R3HCC1: variants seen among roughly 807,000 people sequenced by gnomAD.
The protein encoded by R3HCC1 is R3H and coiled-coil domain-containing protein 1.
R3HCC1 carries 32 observed loss-of-function variants against 40.0 expected under a neutral mutation model. That is an observed-to-expected ratio of 0.80 (90% CI 0.60 to 1.07). The LOEUF (loss-of-function observed/expected upper bound fraction) is 1.07. Among genes scored for constraint, R3HCC1 ranks in the 50% least tolerant of loss-of-function variants. The probability of loss-of-function intolerance (pLI) is 0.00; values close to 1 mark genes in which losing one functional copy is unlikely to be tolerated. For missense variants in R3HCC1, 586 were observed against 563.3 expected (o/e 1.04, Z -0.41); for synonymous variants, 237 against 232.8 (o/e 1.02, Z -0.17).
At position 23,295,984 on chromosome 8, in the gene R3HCC1, A is replaced by G; in HGVS notation, c.1210A>G (p.Lys404Glu). 1 of 1,550,546 alleles carries G rather than the reference A, an allele frequency of 6.4e-7. No homozygotes were observed. Among genetic ancestry groups the G allele is most frequent in the Non-Finnish European group, 8.7e-7 (1 of 1,146,704 alleles). The change falls in exon 8 of 8, where the codon AAG becomes GAG. Residue 404 changes from lysine to glutamate, a missense_variant. Transcript: ENST00000265806. ...CCTTCTAGAACTCCTGCGTCTGGTG[A>G]AGGAGAGGCCACAGACAAATGCGAC...
chr8:23,294,920 A>T (rs11779438), intron 7 of R3HCC1, 56 bp downstream of exon 7: 1 of 1,258,984 alleles, frequency 7.9e-7, no homozygotes, highest in African/African-American at 1.5e-5. Flanking sequence ...TGTGCGTGCG[A>T]GCATGTGTGT....
At position 23,288,565 on chromosome 8, in the gene R3HCC1, C is replaced by T. The variant is rs1254550118; in HGVS notation, c.42C>T (p.Ala14=). Reference sequence around the variant, plus strand: ...TGGATGGTGTCTTCCTCTCCTCAGCCGAGAATGACTTCGTCCACCGGATCC... The same window carrying T: ...TGGATGGTGTCTTCCTCTCCTCAGCTGAGAATGACTTCGTCCACCGGATCC... The change falls in exon 2 of 8, where the codon GCC becomes GCT. Residue 14 remains alanine (A), a synonymous_variant. Coordinates refer to ENST00000265806, the MANE Select transcript of R3HCC1 (RefSeq NM_001136108.3). 11 of 1,536,010 alleles carry T rather than the reference C, an allele frequency of 7.2e-6. No individual in the cohort carries two copies. Among genetic ancestry groups the T allele is most frequent in the African/African-American group, 1.4e-5 (1 of 73,116 alleles).
At chr8:23,292,617 A>G (rs1489177785) in intron 5 of R3HCC1, among the ~76,000 whole-genome samples, 1 of 142,456 alleles carries the variant, frequency 7.0e-6, no homozygotes, top group Non-Finnish European at 1.6e-5. Flanking sequence ...CCCTCTCAAA[A>G]AAAATAAAAA....
intron 4 of R3HCC1, 28 bp from the exon 5 acceptor site, chr8:23,291,333 C>T: frequency 6.5e-7 from 1 of 1,539,852 alleles, no homozygotes; most frequent in Non-Finnish European, 8.8e-7. Flanking sequence ...GTCCAAGCTC[C>T]CCTTGCTAAG....
Position 23,294,789 on chromosome 8 carries a change from G to A in R3HCC1, c.1117G>A (p.Glu373Lys). Residue 373 changes from glutamate to lysine, a missense_variant, in exon 7 of 8, where the codon GAG becomes AAG. Physicochemically the swap from Glu to Lys is moderately conservative, Grantham distance 56. Transcript: ENST00000265806. ...CACAGCTGCGGAAGCCCTGACCCGG[G>A]AGTTCTCGGTGCTCAAGATCCGGCC... The A allele has an allele frequency of 1.3e-6, 2 of 1,551,390 alleles. No individual in the cohort carries two copies. Among genetic ancestry groups the A allele is most frequent in the Non-Finnish European group, 1.7e-6 (2 of 1,146,946 alleles).
intron 1 of R3HCC1, 78 bp from the exon 2 acceptor site, chr8:23,288,425 CTTT>C: frequency 6.6e-7 from 1 of 1,512,140 alleles, no homozygotes; most frequent in African/African-American, 1.4e-5. Context: ...TTCTAAGGCC[CTTT>C]CGGTGCCGGC....
rs193229903 is a variant in R3HCC1 at position 23,293,695 on chromosome 8, G to C, written c.1096+322G>C. ...TTAAATGAAACCACAGCAAAGTGCT[G>C]CTTTAACGGCCAAAAGCATTTGAAT... On this transcript the variant is annotated intron_variant, in intron 6 of 7. Coordinates refer to ENST00000265806, the MANE Select transcript of R3HCC1 (RefSeq NM_001136108.3). Among the ~76,000 whole-genome samples the C allele has an allele frequency of 1.1e-3, 166 of 152,358 alleles. 1 individual carries two copies. Among genetic ancestry groups the C allele is most frequent in the African/African-American group, 3.8e-3 (160 of 41,582 alleles).
At chr8:23,295,821 G>A (rs954052213) in intron 7 of R3HCC1, 146 bp from the exon 8 acceptor site, 23 of 1,227,734 alleles carry the variant, frequency 1.9e-5, no homozygotes, top group Non-Finnish European at 2.4e-5. Flanking sequence ...ATGAGCATCC[G>A]GCCACACCAC....
At chr8:23,290,741 A>T (rs2117121311) in intron 4 of R3HCC1, among the ~76,000 whole-genome samples, 1 of 152,272 alleles carries the variant, frequency 6.6e-6, no homozygotes, top group Non-Finnish European at 1.5e-5. Flanking sequence ...ACCAGTTGAT[A>T]ATACAGCCTT....
At chr8:23,288,477 A>AT in intron 1 of R3HCC1, 29 bp from the exon 2 acceptor site, 2 of 1,534,762 alleles carry the variant, frequency 1.3e-6, no homozygotes, top group Non-Finnish European at 1.7e-6. Flanking sequence ...CTGTGCTCTG[A>AT]TTCCCGGCCC....
intron 4 of R3HCC1, chr8:23,290,897 G>A: frequency 4.5e-6 from 1 of 220,556 alleles, no homozygotes; most frequent in South Asian, 8.7e-5. Flanking sequence ...GACTGGCTGT[G>A]GGTTCAGTTG....
chr8:23,294,621 G>T lies in R3HCC1; in HGVS notation c.1097-148G>T, dbSNP rs939510337. 48 of 643,472 alleles carry T rather than the reference G, an allele frequency of 7.5e-5. No homozygotes were observed. The African/African-American group carries it at 8.0e-4, about 11-fold the overall frequency. 39.9% of individuals were successfully genotyped at this position (643,472 alleles called of 1,614,324 possible). Reference sequence around the variant, plus strand: ...GGGATGAGGCAAGCAGGCGGCAGTCGTCTCTTGCCCATCCAGGGCGGTGTC... The same window carrying T: ...GGGATGAGGCAAGCAGGCGGCAGTCTTCTCTTGCCCATCCAGGGCGGTGTC... On this transcript the variant is annotated intron_variant, in intron 6 of 7. Transcript: ENST00000265806.
chr8:23,290,457 G>A lies in R3HCC1; in HGVS notation c.840G>A (p.Glu280=), dbSNP rs1465478921. Residue 280 remains glutamate (E), a synonymous_variant, in exon 4 of 8, where the codon GAG becomes GAA. Transcript: ENST00000265806. Reference sequence around the variant, plus strand: ...GCTGCTCGGAGGACGATTACAGTGAGCTGCTGCAGGAGGTGATGAGGCTCT... The same window carrying A: ...GCTGCTCGGAGGACGATTACAGTGAACTGCTGCAGGAGGTGATGAGGCTCT... 6.5e-7 allele frequency: 1 copy of A among 1,549,748 alleles called. No individual in the cohort carries two copies.
chr8:23,294,704 G>A, intron 6 of R3HCC1, 65 bp from the exon 7 acceptor site: 2 of 1,254,412 alleles, frequency 1.6e-6, no homozygotes, highest in African/African-American at 1.5e-5. Context: ...GGGGTTCGGG[G>A]TGGTGGGTGT....
At chr8:23,291,265 G>C in intron 4 of R3HCC1, 96 bp from the exon 5 acceptor site, 2 of 1,446,652 alleles carry the variant, frequency 1.4e-6, no homozygotes, top group South Asian at 1.5e-5. Context: ...TTGCCAGGTG[G>C]GCCCCTTCTC....
chr8:23,289,825 C>T, intron 3 of R3HCC1, 41 bp from the exon 4 acceptor site: 1 of 1,460,294 alleles, frequency 6.8e-7, no homozygotes, highest in Non-Finnish European at 9.0e-7. Context: ...TTCCTTTGGG[C>T]CCCTACACAC....
Position 23,294,440 on chromosome 8 carries a change from G to T in R3HCC1, c.1097-329G>T, listed in dbSNP as rs528375370. On this transcript the variant is annotated intron_variant, in intron 6 of 7. Transcript: ENST00000265806. Reference sequence around the variant, plus strand: ...CCCTGGAGGGTCTTGAGTGGTGAAAGGGGGAGAGGTTGTGTTTAGCCCTGG... The same window carrying T: ...CCCTGGAGGGTCTTGAGTGGTGAAATGGGGAGAGGTTGTGTTTAGCCCTGG... 2.6e-3 allele frequency among the ~76,000 whole-genome samples: 393 copies of T among 152,314 alleles called. 1 individual carries two copies. The highest frequency in any genetic ancestry group is 0.01 in the Middle Eastern group (3 of 294).
intron 6 of R3HCC1, 77 bp downstream of exon 6, chr8:23,293,450 G>T (rs561553870): frequency 3.6e-5 from 42 of 1,160,060 alleles, no homozygotes; most frequent in Non-Finnish European, 1.3e-6. Flanking sequence ...CTGGGTAGAG[G>T]CCACCATCTC....
chr8:23,291,626 A>G (rs773924765), intron 5 of R3HCC1, 93 bp downstream of exon 5: 1 of 1,502,406 alleles, frequency 6.7e-7, no homozygotes, highest in Non-Finnish European at 8.9e-7. Context: ...CCCAGTGCCT[A>G]ATGCTTCAGC....
Sources: gnomAD v4.1 joint callset for allele counts (sites outside exome capture counted in the v4.1 genomes callset) on GRCh38, gnomAD v4.1.1 for gene constraint, MANE v1.5 for transcripts, NCBI Gene and HGNC (gene_info 2026-07-23, HGNC 2026-07-21) for gene names.